Variants in BICD1 observed in about 807,000 individuals in gnomAD.
BICD1 encodes the protein BICD cargo adaptor 1.
Under a neutral mutation model 92.5 loss-of-function variants are expected in BICD1, and 35 were observed. The observed-to-expected ratio is 0.38, with a 90% confidence interval of 0.29 to 0.50. BICD1 has a LOEUF of 0.50. Among genes scored for constraint, BICD1 ranks in the 20% least tolerant of loss-of-function variants. The probability of loss-of-function intolerance (pLI) is 0.93; values close to 1 mark genes in which losing one functional copy is unlikely to be tolerated. For missense variants in BICD1, 950 were observed against 1,189.8 expected, an observed-to-expected ratio of 0.80 and a Z score of 2.97; for synonymous variants, 429 against 465.1, an observed-to-expected ratio of 0.92 and a Z score of 1.00.
At chr12:32,306,376 T>A (rs1213157862) in intron 4 of BICD1, among the ~76,000 whole-genome samples, 1 of 151,938 alleles carries the variant, frequency 6.6e-6, no homozygotes, top group Non-Finnish European at 1.5e-5. Flanking sequence ...CCCGAGTAGC[T>A]GGGACTACAG....
intron 2 of BICD1, among the ~76,000 whole-genome samples, chr12:32,275,860 C>T (rs924495879): frequency 1.3e-5 from 2 of 152,180 alleles, no homozygotes; most frequent in African/African-American, 4.8e-5. Flanking sequence ...CTGGGTTCCA[C>T]GGTTCTCTTC....
At chr12:32,361,669 G>A (rs1459072682) in intron 8 of BICD1, among the ~76,000 whole-genome samples, 2 of 152,168 alleles carry the variant, frequency 1.3e-5, no homozygotes, top group Admixed American at 1.3e-4. Context: ...GCATCCGGAG[G>A]TTGTTTATGG....
intron 1 of BICD1, among the ~76,000 whole-genome samples, chr12:32,212,422 A>G (rs1945243227): frequency 6.6e-6 from 1 of 151,988 alleles, no homozygotes; most frequent in South Asian, 2.1e-4. Flanking sequence ...ATGCTGTGAC[A>G]TTTTATTTTA....
At chr12:32,249,754 A>C (rs970094113) in intron 2 of BICD1, among the ~76,000 whole-genome samples, 3 of 150,688 alleles carry the variant, frequency 2.0e-5, no homozygotes, top group Non-Finnish European at 4.4e-5. Context: ...AAGTTGTTCC[A>C]TTATTATATT....
At chr12:32,316,354 G>A (rs1948500349) in intron 4 of BICD1, among the ~76,000 whole-genome samples, 1 of 151,282 alleles carries the variant, frequency 6.6e-6, no homozygotes, top group African/African-American at 2.4e-5. Flanking sequence ...ACAGTGGCAT[G>A]ATCTTGGCTC....
chr12:32,281,699 CT>C (rs991405590), intron 2 of BICD1, among the ~76,000 whole-genome samples: 70 of 149,092 alleles, frequency 4.7e-4, no homozygotes, highest in Middle Eastern at 3.5e-3. Flanking sequence ...TGTAGATATC[CT>C]TTTTTTTTTC....
intron 1 of BICD1, chr12:32,108,872 T>TA: frequency 3.9e-6 from 2 of 511,448 alleles, no homozygotes; most frequent in Non-Finnish European, 7.0e-6. Context: ...TGTCTGGTCT[T>TA]AACAACAGCT....
intron 1 of BICD1, among the ~76,000 whole-genome samples, chr12:32,116,494 CTCTCTCTCTCTCTCTCTATA>C (rs1191730635): frequency 0.073 from 5,289 of 72,038 alleles, 211 homozygotes; most frequent in Admixed American, 0.21. Flanking sequence ...CTCTCTCTTT[CTCTCTCTCTCTCTCTCTATA>C]TATATATATA....
chr12:32,255,256 C>G (rs912579605), intron 2 of BICD1, among the ~76,000 whole-genome samples: 6 of 152,168 alleles, frequency 3.9e-5, no homozygotes, highest in African/African-American at 1.4e-4. Context: ...CATCATCCCC[C>G]AGCCTCATAG....
At position 32,275,619 on chromosome 12, in the gene BICD1, G is replaced by A. The variant is rs576573209; in HGVS notation, c.427-18375G>A. ...CACTCTTCTGGTCCATGTTTGTTAC[G>A]GCTGGAGCTGAGCTTTCGCTTGCCG... On this transcript the variant is annotated intron_variant, in intron 2 of 9. Transcript: ENST00000652176. Among the ~76,000 whole-genome samples the A allele has an allele frequency of 5.3e-5, 8 of 152,078 alleles. No individual in the cohort carries two copies. In the Middle Eastern group the frequency reaches 0.01, roughly 194 times the overall value.
intron 2 of BICD1, among the ~76,000 whole-genome samples, chr12:32,251,910 T>C: frequency 6.8e-6 from 1 of 146,980 alleles, no homozygotes; most frequent in Non-Finnish European, 1.5e-5. Context: ...GAGTAAGAGT[T>C]CATATTTCCA....
chr12:32,193,788 T>G (rs749129948), intron 1 of BICD1, among the ~76,000 whole-genome samples: 11 of 152,112 alleles, frequency 7.2e-5, no homozygotes, highest in Non-Finnish European at 1.3e-4. Context: ...AAATAAGAAT[T>G]AACACCAATC....
chr12:32,307,857 C>A (rs1211710323), intron 4 of BICD1, among the ~76,000 whole-genome samples: 1 of 152,160 alleles, frequency 6.6e-6, no homozygotes, highest in East Asian at 1.9e-4. Flanking sequence ...AGATTGAATA[C>A]CATTAAATAG....
intron 1 of BICD1, among the ~76,000 whole-genome samples, chr12:32,132,394 C>T (rs922692733): frequency 7.1e-6 from 1 of 140,420 alleles, no homozygotes; most frequent in South Asian, 2.3e-4. Context: ...GCAGCCTAGG[C>T]GACAGAGCGA....
chr12:32,253,125 G>A (rs751347366), intron 2 of BICD1, among the ~76,000 whole-genome samples: 14 of 151,994 alleles, frequency 9.2e-5, no homozygotes, highest in East Asian at 7.7e-4. Context: ...TCAAGCAGTC[G>A]GCCCGCCTTG....
At chr12:32,143,519 G>C (rs1282215280) in intron 1 of BICD1, among the ~76,000 whole-genome samples, 1 of 151,990 alleles carries the variant, frequency 6.6e-6, no homozygotes, top group Non-Finnish European at 1.5e-5. Context: ...ATTTCATTTT[G>C]TTATGGTATA....
chr12:32,236,666 T>C (rs1461950226), intron 2 of BICD1, among the ~76,000 whole-genome samples: 2 of 152,114 alleles, frequency 1.3e-5, no homozygotes, highest in African/African-American at 4.8e-5. Context: ...AAAGCCTAGA[T>C]AGGTCAAAAG....
chr12:32,311,574 A>G (rs1292854699), intron 4 of BICD1, among the ~76,000 whole-genome samples: 2 of 152,206 alleles, frequency 1.3e-5, no homozygotes, highest in African/African-American at 2.4e-5. Context: ...CTTCCAGGCT[A>G]TAGGTAAATT....
At chr12:32,128,809 GT>G (rs1942434054) in intron 1 of BICD1, among the ~76,000 whole-genome samples, 3 of 151,802 alleles carry the variant, frequency 2.0e-5, no homozygotes. Context: ...GTATTGTTTT[GT>G]TGCGCAGGCT....
Sources: allele counts gnomAD v4.1 joint callset (sites outside exome capture counted in the v4.1 genomes callset), GRCh38; gene constraint gnomAD v4.1.1; transcripts MANE v1.5; gene names NCBI Gene and HGNC (gene_info 2026-07-23, HGNC 2026-07-21).